The following GRID1 variants were observed in gnomAD, a reference collection of about 807,000 sequenced individuals.
The protein encoded by GRID1 is glutamate receptor ionotropic, delta-1.
Under a neutral mutation model 98.0 loss-of-function variants are expected in GRID1, and 28 were observed. That is an observed-to-expected ratio of 0.29 (90% CI 0.21 to 0.39). The LOEUF (loss-of-function observed/expected upper bound fraction) is 0.39. Ranked by LOEUF, GRID1 falls within the 10% of genes least tolerant of loss-of-function variation. The pLI is 1.00. For synonymous variants in GRID1, 553 were observed against 538.5 expected, an observed-to-expected ratio of 1.03 and a Z score of -0.37; for missense variants, 1,111 against 1,340.5, an observed-to-expected ratio of 0.83 and a Z score of 2.67.
chr10:86,087,222 A>ATG (rs1235019259), intron 4 of GRID1, among the ~76,000 whole-genome samples: 1 of 151,744 alleles, frequency 6.6e-6, no homozygotes, highest in Non-Finnish European at 1.5e-5. Context: ...AGATGGATGG[A>ATG]TGTGTGTGTG....
chr10:85,956,783 T>C (rs1246709089), intron 4 of GRID1, among the ~76,000 whole-genome samples: 1 of 152,200 alleles, frequency 6.6e-6, no homozygotes, highest in Non-Finnish European at 1.5e-5. Flanking sequence ...CAAGAACCAC[T>C]GGGCTCTTTA....
intron 8 of GRID1, among the ~76,000 whole-genome samples, chr10:85,820,421 G>A (rs941155032): frequency 1.3e-5 from 2 of 152,152 alleles, no homozygotes; most frequent in Non-Finnish European, 1.5e-5. Context: ...TACTTCATAT[G>A]TCTAGTGTTC....
At chr10:85,879,299 C>A (rs1204775308) in intron 5 of GRID1, among the ~76,000 whole-genome samples, 1 of 152,130 alleles carries the variant, frequency 6.6e-6, no homozygotes, top group Non-Finnish European at 1.5e-5. Context: ...ACTCTCCACC[C>A]CAAATCAACA....
intron 8 of GRID1, among the ~76,000 whole-genome samples, chr10:85,743,982 T>C (rs767020180): frequency 6.6e-6 from 1 of 152,160 alleles, no homozygotes; most frequent in African/African-American, 2.4e-5. Context: ...AAGCCAAGAT[T>C]TGTTGGATTC....
intron 4 of GRID1, among the ~76,000 whole-genome samples, chr10:86,015,358 GC>G (rs1214382308): frequency 6.6e-6 from 1 of 152,230 alleles, no homozygotes; most frequent in East Asian, 1.9e-4. Flanking sequence ...CTCAACCACA[GC>G]TTTAGTCTTC....
At chr10:86,110,299 T>C (rs1844461151) in intron 4 of GRID1, among the ~76,000 whole-genome samples, 1 of 152,142 alleles carries the variant, frequency 6.6e-6, no homozygotes, top group Admixed American at 6.5e-5. Context: ...ACCCCCTGGG[T>C]CACCCATCCC....
chr10:85,609,052 G>C (rs1391204852), intron 15 of GRID1, among the ~76,000 whole-genome samples: 1 of 152,128 alleles, frequency 6.6e-6, no homozygotes, highest in Non-Finnish European at 1.5e-5. Context: ...TCTGGAAAAT[G>C]CTACCTCGGA....
At chr10:86,269,251 G>A (rs1329565412) in intron 2 of GRID1, among the ~76,000 whole-genome samples, 1 of 152,220 alleles carries the variant, frequency 6.6e-6, no homozygotes, top group Non-Finnish European at 1.5e-5. Flanking sequence ...AAGATGCCTG[G>A]AGGGGTGGGG....
At chr10:85,880,295 C>T (rs1489959199) in intron 5 of GRID1, among the ~76,000 whole-genome samples, 3 of 152,060 alleles carry the variant, frequency 2.0e-5, no homozygotes, top group Admixed American at 2.0e-4. Flanking sequence ...ATCCTGATAC[C>T]AAAGCTGGGC....
intron 8 of GRID1, among the ~76,000 whole-genome samples, chr10:85,840,956 AT>A (rs1188923734): frequency 3.9e-5 from 6 of 152,230 alleles, no homozygotes. Context: ...TTAACCTACT[AT>A]TGAGATTCTT....
chr10:85,631,046 G>T (rs533514318), intron 13 of GRID1, among the ~76,000 whole-genome samples: 1 of 152,298 alleles, frequency 6.6e-6, no homozygotes, highest in South Asian at 2.1e-4. Context: ...TTCCTGAAAA[G>T]AACTCTACTT....
Position 85,737,013 on chromosome 10 carries a change from A to G in GRID1, c.1234-7399T>C, listed in dbSNP as rs374576210. On this transcript the variant is annotated intron_variant, in intron 8 of 15. Transcript: ENST00000327946. ...ACCTGGGCCTTGGAGGGTATGAGTC[A>G]CAGGAGTTGGCAGTCAGAACCTAGT... is the stretch of plus-strand genomic sequence containing the variant. Among the ~76,000 whole-genome samples the G allele has an allele frequency of 9.9e-5, 15 of 152,260 alleles. No individual in the cohort carries two copies. In the East Asian group the frequency reaches 2.7e-3, roughly 27 times the overall value.
At chr10:86,189,091 G>A (rs551743448) in intron 3 of GRID1, among the ~76,000 whole-genome samples, 1 of 152,236 alleles carries the variant, frequency 6.6e-6, no homozygotes, top group East Asian at 1.9e-4. Context: ...AACACCCACA[G>A]GCACCTGCTG....
At chr10:85,961,359 A>T (rs1265259877) in intron 4 of GRID1, among the ~76,000 whole-genome samples, 1 of 152,072 alleles carries the variant, frequency 6.6e-6, no homozygotes, top group Non-Finnish European at 1.5e-5. Context: ...CTATGAGCAG[A>T]TCCCCTGTAG....
chr10:85,883,727 T>C (rs959013743), intron 5 of GRID1, among the ~76,000 whole-genome samples: 1 of 152,202 alleles, frequency 6.6e-6, no homozygotes, highest in Non-Finnish European at 1.5e-5. Flanking sequence ...ACTACAAATC[T>C]ATAACCACTA....
chr10:85,865,920 T>C (rs1474483869), intron 6 of GRID1, among the ~76,000 whole-genome samples: 1 of 109,422 alleles, frequency 9.1e-6, no homozygotes, highest in Non-Finnish European at 1.7e-5. Flanking sequence ...TACATATATA[T>C]ATATATATAT....
At chr10:86,167,484 C>T (rs1019209973) in intron 3 of GRID1, among the ~76,000 whole-genome samples, 2 of 152,344 alleles carry the variant, frequency 1.3e-5, no homozygotes, top group Admixed American at 6.5e-5. Flanking sequence ...TGGCTGTTCC[C>T]AAGGACCTCA....
chr10:86,178,223 T>A (rs1845604952), intron 3 of GRID1, among the ~76,000 whole-genome samples: 1 of 152,228 alleles, frequency 6.6e-6, no homozygotes, highest in Non-Finnish European at 1.5e-5. Context: ...GTCTCCCAAA[T>A]GACCTCTGGC....
At chr10:86,352,606 C>A (rs1328888401) in intron 2 of GRID1, among the ~76,000 whole-genome samples, 1 of 152,180 alleles carries the variant, frequency 6.6e-6, no homozygotes, top group Non-Finnish European at 1.5e-5. Context: ...ATCATGAGGG[C>A]CCCACCCTTA....
Sources: gnomAD v4.1 joint callset for allele counts (sites outside exome capture counted in the v4.1 genomes callset) on GRCh38, gnomAD v4.1.1 for gene constraint, MANE v1.5 for transcripts, NCBI Gene and HGNC (gene_info 2026-07-23, HGNC 2026-07-21) for gene names.